The following NOTCH2NLC variants were observed in gnomAD, a reference collection of about 807,000 sequenced individuals.
The protein encoded by NOTCH2NLC is notch 2 N-terminal like C.
In NOTCH2NLC, 4 loss-of-function variants were observed where a neutral mutation model predicts 17.7. The observed-to-expected ratio is 0.23, with a 90% confidence interval of 0.11 to 0.52. The LOEUF (loss-of-function observed/expected upper bound fraction) is 0.52. Ranked by LOEUF, NOTCH2NLC falls within the 20% of genes least tolerant of loss-of-function variation. The pLI is 0.96. For synonymous variants in NOTCH2NLC, 18 were observed against 86.0 expected, an observed-to-expected ratio of 0.21 and a Z score of 4.38; for missense variants, 57 against 207.2, an observed-to-expected ratio of 0.28 and a Z score of 4.45.
chr1:149,413,292 G>A (rs1337411074), intron 1 of NOTCH2NLC, among the ~76,000 whole-genome samples: 1 of 150,978 alleles, frequency 6.6e-6, no homozygotes, highest in Non-Finnish European at 1.5e-5. Flanking sequence ...GAAATGCCTG[G>A]GAATTGAATT....
intron 1 of NOTCH2NLC, among the ~76,000 whole-genome samples, chr1:149,412,255 ATT>A (rs2101472814): frequency 6.7e-6 from 1 of 148,960 alleles, no homozygotes; most frequent in Admixed American, 6.7e-5. Context: ...CATGAAACCA[ATT>A]TGGTAGGTCT....
At chr1:149,437,875 T>G (rs1444101545) in intron 2 of NOTCH2NLC, among the ~76,000 whole-genome samples, 1 of 146,360 alleles carries the variant, frequency 6.8e-6, no homozygotes, top group Non-Finnish European at 1.5e-5. Flanking sequence ...TTATTGCATA[T>G]TAGGGTCTGT....
chr1:149,399,882 AT>A (rs2101464528), intron 1 of NOTCH2NLC, among the ~76,000 whole-genome samples: 1 of 149,160 alleles, frequency 6.7e-6, no homozygotes, highest in South Asian at 2.1e-4. Context: ...ATTATTCGTT[AT>A]GTTTACAGAT....
At chr1:149,394,619 A>G in intron 1 of NOTCH2NLC, among the ~76,000 whole-genome samples, 1 of 150,442 alleles carries the variant, frequency 6.6e-6, no homozygotes, top group East Asian at 2.0e-4. Context: ...ATACGTCTGC[A>G]ATGATTTTAG....
rs1188897577 is a variant in NOTCH2NLC at position 149,454,624 on chromosome 1, A to C, written c.210-694A>C. ...ATTTAATTATATTTTGTGCCTTTTT[A>C]TTTGGTTAAAAATGCCTACTTAAAT... On this transcript the variant is annotated intron_variant, in intron 2 of 4. Coordinates refer to ENST00000650865, the MANE Select transcript of NOTCH2NLC (RefSeq NM_001364013.2). Among the ~76,000 whole-genome samples the C allele has an allele frequency of 2.6e-5, 4 of 151,010 alleles. 1 individual carries two copies. Among genetic ancestry groups the C allele is most frequent in the Non-Finnish European group, 5.9e-5 (4 of 67,596 alleles).
chr1:149,390,725 T>G lies in NOTCH2NLC; in HGVS notation c.-63T>G. 1 of 1,243,328 alleles carries G rather than the reference T, an allele frequency of 8.0e-7. No individual in the cohort carries two copies. The highest frequency in any genetic ancestry group is 1.0e-6 in the Non-Finnish European group (1 of 993,178). 77.0% of individuals were successfully genotyped at this position (1,243,328 alleles called of 1,614,324 possible). The stretch of plus-strand genomic sequence containing the variant: ...TGCTTCGGACCGTAGCGCCAGGGCC[T>G]GAGCCTTTGAAGCAGGAGGAGGGGA... On this transcript the variant is annotated 5_prime_UTR_variant, in exon 1 of 5. Coordinates refer to ENST00000650865, the MANE Select transcript of NOTCH2NLC (RefSeq NM_001364013.2).
chr1:149,399,983 A>G (rs1438814575), intron 1 of NOTCH2NLC, among the ~76,000 whole-genome samples: 2 of 149,792 alleles, frequency 1.3e-5, no homozygotes, highest in African/African-American at 4.9e-5. Flanking sequence ...TTATGTTTGA[A>G]AAAGTAGTTA....
chr1:149,414,624 T>C (rs1223660475), intron 1 of NOTCH2NLC, among the ~76,000 whole-genome samples: 1 of 150,698 alleles, frequency 6.6e-6, no homozygotes, highest in South Asian at 2.1e-4. Flanking sequence ...TGTATGCATA[T>C]GTTAACTCTA....
intron 1 of NOTCH2NLC, among the ~76,000 whole-genome samples, chr1:149,419,404 T>C (rs2084365870): frequency 6.6e-6 from 1 of 150,580 alleles, no homozygotes; most frequent in African/African-American, 2.4e-5. Context: ...AGTTCCAATA[T>C]GGTCACTTAA....
In NOTCH2NLC at chr1:149,413,765, T is replaced by C. The variant is rs1342984058; in HGVS notation, c.136-17177T>C. 3.3e-5 allele frequency among the ~76,000 whole-genome samples: 5 copies of C among 151,140 alleles called. 1 individual carries two copies. Among genetic ancestry groups the C allele is most frequent in the Non-Finnish European group, 7.4e-5 (5 of 67,612 alleles). On this transcript the variant is annotated intron_variant, in intron 1 of 4. Transcript: ENST00000650865. ...TCATATATCTTCATTAGGTGGGTGATTTTGGTTTCTGTTACTTTTTCCTTA... is the reference window on the plus strand; with the variant it reads ...TCATATATCTTCATTAGGTGGGTGACTTTGGTTTCTGTTACTTTTTCCTTA...
chr1:149,428,998 G>A (rs2084428371), intron 1 of NOTCH2NLC, among the ~76,000 whole-genome samples: 1 of 145,978 alleles, frequency 6.9e-6, no homozygotes, highest in South Asian at 2.2e-4. Flanking sequence ...CTTTGGTATG[G>A]AGGAAATAAC....
At chr1:149,419,851 ATATATTTTTTTT>A (rs1454065036) in intron 1 of NOTCH2NLC, among the ~76,000 whole-genome samples, 1 of 115,798 alleles carries the variant, frequency 8.6e-6, no homozygotes, top group African/African-American at 3.4e-5. Context: ...ATATATATAT[ATATATTTTTTTT>A]TTTTTTTTTT....
chr1:149,398,887 C>G (rs1180210286), intron 1 of NOTCH2NLC, among the ~76,000 whole-genome samples: 1 of 152,140 alleles, frequency 6.6e-6, no homozygotes, highest in African/African-American at 2.4e-5. Context: ...CCAAGATGGA[C>G]TCATTGTTGC....
At position 149,460,913 on chromosome 1, in the gene NOTCH2NLC, T is replaced by TTCTTTCTTTCTC. The variant is rs2084645506; in HGVS notation, c.470-2575_470-2574insTTCTTTCTCTCT. Among the ~76,000 whole-genome samples, 334 of 114,418 alleles carry TTCTTTCTTTCTC rather than the reference T, an allele frequency of 2.9e-3. 18 individuals are homozygous for TTCTTTCTTTCTC. In the East Asian group the frequency reaches 0.034, roughly 12 times the overall value. 75.1% of individuals were successfully genotyped at this position (114,418 alleles called of 152,430 possible). A position where few individuals can be genotyped will look rare whatever the true frequency, so the allele number is the denominator to read the frequency against. ...TTTCTTTCTTTCTTTCTTTCTTTCT[T>TTCTTTCTTTCTC]TCTCTCTCTTTCTCTCTTTCTCTCT... On this transcript the variant is annotated intron_variant, in intron 3 of 4. Transcript: ENST00000650865.
At chr1:149,433,649 CAG>C in intron 2 of NOTCH2NLC, among the ~76,000 whole-genome samples, 1 of 143,680 alleles carries the variant, frequency 7.0e-6, no homozygotes, top group African/African-American at 2.6e-5. Flanking sequence ...GAGCACTTAC[CAG>C]GAGAGGACAC....
intron 1 of NOTCH2NLC, among the ~76,000 whole-genome samples, chr1:149,430,481 C>A (rs1311830260): frequency 2.0e-5 from 3 of 147,056 alleles, no homozygotes; most frequent in Admixed American, 6.9e-5. Context: ...TTTCTGATTA[C>A]TTCTTGAAGC....
intron 3 of NOTCH2NLC, among the ~76,000 whole-genome samples, chr1:149,460,393 G>T (rs2084635722): frequency 7.4e-6 from 1 of 135,806 alleles, no homozygotes; most frequent in East Asian, 2.2e-4. Context: ...AGGCTGGAGT[G>T]CAGGGCGCAA....
At chr1:149,416,816 G>C (rs1281789807) in intron 1 of NOTCH2NLC, among the ~76,000 whole-genome samples, 2 of 144,712 alleles carry the variant, frequency 1.4e-5, no homozygotes, top group African/African-American at 5.1e-5. Context: ...GGGTTCTTTT[G>C]TTGTGTAGGT....
At chr1:149,398,149 C>T (rs2084219333) in intron 1 of NOTCH2NLC, among the ~76,000 whole-genome samples, 1 of 151,212 alleles carries the variant, frequency 6.6e-6, no homozygotes, top group Non-Finnish European at 1.5e-5. Context: ...GGAAAGGCGA[C>T]CTCCAGCTCA....
Sources: gnomAD v4.1 joint callset for allele counts (sites outside exome capture counted in the v4.1 genomes callset) on GRCh38, gnomAD v4.1.1 for gene constraint, MANE v1.5 for transcripts, NCBI Gene and HGNC (gene_info 2026-07-23, HGNC 2026-07-21) for gene names.